FBP2: variants seen among roughly 807,000 people sequenced by gnomAD.
FBP2 encodes the protein fructose-1,6-bisphosphatase isozyme 2.
In FBP2, 27 loss-of-function variants were observed where a neutral mutation model predicts 31.6. The ratio of observed to expected loss-of-function variants is 0.85; its 90% confidence interval spans 0.63 to 1.18. FBP2 has a LOEUF of 1.18. Among genes scored for constraint, FBP2 ranks in the 50% most tolerant of loss-of-function variants. The probability of loss-of-function intolerance (pLI) is 0.00; values close to 1 mark genes in which losing one functional copy is unlikely to be tolerated. For synonymous variants in FBP2, 168 were observed against 179.8 expected (o/e 0.93, Z 0.53); for missense variants, 421 against 436.1 (o/e 0.97, Z 0.31).
At chr9:94,587,511 C>G (rs1369281909) in intron 1 of FBP2, 42 bp from the exon 2 acceptor site, 1 of 1,598,034 alleles carries the variant, frequency 6.3e-7, no homozygotes, top group African/African-American at 1.3e-5. Flanking sequence ...ACTAGGGGGT[C>G]TTAACTCCAG....
chr9:94,586,298 C>T (rs1452282677), intron 2 of FBP2, among the ~76,000 whole-genome samples: 1 of 152,134 alleles, frequency 6.6e-6, no homozygotes, highest in Non-Finnish European at 1.5e-5. Context: ...TTGCTTGAAC[C>T]CGGGAGGCAG....
At chr9:94,592,464 T>C (rs953796895) in intron 1 of FBP2, among the ~76,000 whole-genome samples, 1 of 152,218 alleles carries the variant, frequency 6.6e-6, no homozygotes, top group Non-Finnish European at 1.5e-5. Flanking sequence ...AAATATGTGT[T>C]CCTTCAGCTC....
At position 94,563,564 on chromosome 9, in the gene FBP2, A is replaced by G. The variant is rs113740189; in HGVS notation, c.706-103T>C. Reference sequence around the variant, plus strand: ...GTTGGTGTGACCTCTGCCTTCTTGAATCCCTATCCTCCACCCACTAGTGTA... The same window carrying G: ...GTTGGTGTGACCTCTGCCTTCTTGAGTCCCTATCCTCCACCCACTAGTGTA... On this transcript the variant is annotated intron_variant, in intron 5 of 6. Coordinates refer to ENST00000375337, the MANE Select transcript of FBP2 (RefSeq NM_003837.4). 39 of 1,275,632 alleles carry G rather than the reference A, an allele frequency of 3.1e-5. No homozygotes were observed. In the African/African-American group the frequency reaches 4.3e-4, roughly 14 times the overall value. 79.0% of individuals were successfully genotyped at this position (1,275,632 alleles called of 1,614,324 possible). A position where few individuals can be genotyped will look rare whatever the true frequency, so the allele number is the denominator to read the frequency against.
intron 4 of FBP2, chr9:94,568,757 C>G (rs1218364799): frequency 2.0e-5 from 3 of 152,226 alleles, no homozygotes; most frequent in Non-Finnish European, 4.4e-5. Flanking sequence ...TCCTGCCTAA[C>G]ATGAGTGACA....
At chr9:94,572,042 C>T (rs558778538) in intron 3 of FBP2, among the ~76,000 whole-genome samples, 2 of 152,272 alleles carry the variant, frequency 1.3e-5, no homozygotes, top group South Asian at 4.2e-4. Flanking sequence ...GCAAAACCAC[C>T]TAAGATTAAC....
intron 1 of FBP2, 37 bp downstream of exon 1, chr9:94,593,520 G>A (rs939953138): frequency 1.9e-6 from 3 of 1,588,436 alleles, no homozygotes; most frequent in Non-Finnish European, 2.6e-6. Flanking sequence ...CTGGGCCTGG[G>A]GTGCTCTGTG....
chr9:94,562,336 T>A (rs7037602), intron 6 of FBP2, among the ~76,000 whole-genome samples: 1,609 of 145,036 alleles, frequency 0.011, 33 homozygotes, highest in African/African-American at 0.039. Flanking sequence ...AAAAAAAGAA[T>A]GTCCATTGTC....
chr9:94,563,498 C>T (rs1352634781), intron 5 of FBP2, 37 bp from the exon 6 acceptor site: 2 of 1,601,224 alleles, frequency 1.2e-6, no homozygotes, highest in Admixed American at 3.4e-5. Flanking sequence ...GATCCAGTGG[C>T]TTTCAGGATT....
chr9:94,587,370 A>G lies in FBP2; in HGVS notation c.270T>C (p.Tyr90=). The change falls in exon 2 of 7, where the codon TAT becomes TAC. Residue 90 remains tyrosine, a synonymous_variant. Transcript: ENST00000375337. The part of the protein sequence containing the change: ...SLVINMVQSS[Y]STCVLVSEEN... ...CTTCTGAGACCAGGACGCAGGTACTATAGGAGGATTGGACCATGTTGATCA... is the reference window on the plus strand; with the variant it reads ...CTTCTGAGACCAGGACGCAGGTACTGTAGGAGGATTGGACCATGTTGATCA... 3.1e-6 allele frequency: 5 copies of G among 1,614,116 alleles called. No homozygotes were observed. The highest frequency in any genetic ancestry group is 1.1e-5 in the South Asian group (1 of 91,080).
chr9:94,564,637 A>C (rs1827159477), intron 5 of FBP2, among the ~76,000 whole-genome samples: 1 of 152,172 alleles, frequency 6.6e-6, no homozygotes, highest in African/African-American at 2.4e-5. Context: ...AAAGAGGGAA[A>C]CAACAGACAC....
intron 2 of FBP2, among the ~76,000 whole-genome samples, chr9:94,585,172 G>A (rs1827413286): frequency 6.6e-6 from 1 of 152,008 alleles, no homozygotes. Context: ...TTTGAGCTTT[G>A]TTTCTGTTTT....
intron 1 of FBP2, among the ~76,000 whole-genome samples, chr9:94,591,797 C>G (rs911023515): frequency 8.5e-5 from 13 of 152,310 alleles, no homozygotes; most frequent in South Asian, 2.1e-4. Context: ...CTATACTCTC[C>G]ATTTCACAAA....
intron 1 of FBP2, among the ~76,000 whole-genome samples, chr9:94,590,571 G>C (rs1036485080): frequency 2.9e-4 from 44 of 152,118 alleles, no homozygotes; most frequent in African/African-American, 9.2e-4. Flanking sequence ...GGAGTTGTTC[G>C]TTCCTCCCAG....
chr9:94,583,476 C>T (rs533606108), intron 3 of FBP2, among the ~76,000 whole-genome samples: 1 of 152,316 alleles, frequency 6.6e-6, no homozygotes, highest in South Asian at 2.1e-4. Flanking sequence ...GCCTTAAATA[C>T]TCATATTTCT....
intron 3 of FBP2, among the ~76,000 whole-genome samples, chr9:94,574,240 A>C (rs1827295639): frequency 6.6e-6 from 1 of 152,206 alleles, no homozygotes; most frequent in Non-Finnish European, 1.5e-5. Context: ...TACATATTGA[A>C]AAATTGTCCT....
chr9:94,571,652 A>G (rs1037716699), intron 3 of FBP2, 50 bp from the exon 4 acceptor site: 11 of 1,533,308 alleles, frequency 7.2e-6, no homozygotes, highest in African/African-American at 1.4e-5. Flanking sequence ...CTCTGGAGAG[A>G]ACACTTTGCC....
At chr9:94,588,859 G>C (rs922982462) in intron 1 of FBP2, among the ~76,000 whole-genome samples, 2 of 152,090 alleles carry the variant, frequency 1.3e-5, no homozygotes, top group East Asian at 3.9e-4. Context: ...CACAGGGTCA[G>C]CCCCAGCCTC....
Position 94,563,416 on chromosome 9 carries a change from C to T in FBP2, c.751G>A (p.Ala251Thr). 1.2e-6 allele frequency: 2 copies of T among 1,613,986 alleles called. No homozygotes were observed. Among genetic ancestry groups the T allele is most frequent in the Non-Finnish European group, 1.7e-6 (2 of 1,179,884 alleles). ...TAGACCAGGGTGCGGTGCACGTCAG[C>T]CACCATGGAGCCCACATACCTGGCC... The part of the protein sequence containing the change: ...YGARYVGSMV[A>T]DVHRTLVYGG... The change falls in exon 6 of 7, where the codon GCT becomes ACT. Residue 251 changes from alanine (A) to threonine (T), a missense_variant. By Grantham distance (58) the Ala-to-Thr change is moderately conservative (BLOSUM62 0). Transcript: ENST00000375337.
At position 94,571,566 on chromosome 9, in the gene FBP2, G is replaced by A; in HGVS notation, c.463C>T (p.Gln155Ter). ...EDEPSEKDAL[Q>*]CGRNIVAAGY... Reference sequence around the variant, plus strand: ...GCGGCCACAATATTGCGGCCACACTGCAGGGCATCCTTTTCAGAAGGCTCA... The same window carrying A: ...GCGGCCACAATATTGCGGCCACACTACAGGGCATCCTTTTCAGAAGGCTCA... Residue 155 changes from glutamine (Q) to a stop codon, truncating the protein, a stop_gained, in exon 4 of 7, where the codon CAG becomes TAG. Coordinates refer to ENST00000375337, the MANE Select transcript of FBP2 (RefSeq NM_003837.4). LOFTEE classifies it high-confidence loss of function. 5.6e-6 allele frequency: 9 copies of A among 1,613,800 alleles called. No individual in the cohort carries two copies. The highest frequency in any genetic ancestry group is 7.6e-6 in the Non-Finnish European group (9 of 1,179,806).
Sources: gnomAD v4.1 joint callset for allele counts (sites outside exome capture counted in the v4.1 genomes callset) on GRCh38, gnomAD v4.1.1 for gene constraint, MANE v1.5 for transcripts, NCBI Gene and HGNC (gene_info 2026-07-23, HGNC 2026-07-21) for gene names.